Variants in GPLD1 observed in about 807,000 individuals in gnomAD.
GPLD1 encodes the protein glycosylphosphatidylinositol specific phospholipase D1, also known as phosphatidylinositol-glycan-specific phospholipase D.
GPLD1 carries 84 observed loss-of-function variants against 112.6 expected under a neutral mutation model. The ratio of observed to expected loss-of-function variants is 0.75; its 90% confidence interval spans 0.63 to 0.89. The LOEUF (loss-of-function observed/expected upper bound fraction) is 0.89. Among genes scored for constraint, GPLD1 ranks in the 40% least tolerant of loss-of-function variants. The pLI is 0.00. For missense variants in GPLD1, 1,044 were observed against 1,051.5 expected (o/e 0.99, Z 0.10); for synonymous variants, 386 against 403.8 (o/e 0.96, Z 0.53).
At chr6:24,480,496 GT>G (rs11287089) in intron 2 of GPLD1, among the ~76,000 whole-genome samples, 25,915 of 152,030 alleles carry the variant, frequency 0.17, 2,647 homozygotes, top group African/African-American at 0.28. Flanking sequence ...CCCACAGCTG[GT>G]TTTTTATAAA....
chr6:24,476,602 T>C (rs765771457), intron 3 of GPLD1, among the ~76,000 whole-genome samples: 2 of 152,188 alleles, frequency 1.3e-5, no homozygotes, highest in Non-Finnish European at 2.9e-5. Context: ...GCCCTAAAAC[T>C]AAGGAAACAA....
intron 18 of GPLD1, 23 bp from the exon 19 acceptor site, chr6:24,445,854 T>C (rs751246675): frequency 1.2e-5 from 19 of 1,526,718 alleles, no homozygotes; most frequent in South Asian, 8.9e-5. Flanking sequence ...ACACTGGGCT[T>C]AGCTGCCAGG....
intron 10 of GPLD1, among the ~76,000 whole-genome samples, chr6:24,464,959 G>A (rs564138208): frequency 6.3e-4 from 96 of 152,128 alleles, no homozygotes; most frequent in Non-Finnish European, 1.3e-3. Flanking sequence ...TTGGGAGACA[G>A]AGGTGGGTGG....
chr6:24,489,129 G>A (rs564038761), intron 1 of GPLD1, among the ~76,000 whole-genome samples: 3 of 152,070 alleles, frequency 2.0e-5, no homozygotes, highest in Non-Finnish European at 4.4e-5. Context: ...GCAACCTCTC[G>A]TTCACTGAGC....
rs928001709 is a variant in GPLD1 at position 24,428,295 on chromosome 6, A to C, written c.*737T>G. On this transcript the variant is annotated 3_prime_UTR_variant, in exon 25 of 25. Transcript: ENST00000230036. ...TGCGCAGGAAGTGCTGGTTTGTTAC[A>C]TACATAAAGGTGTGTCATGGGGGTT... is the stretch of plus-strand genomic sequence containing the variant. 6.6e-6 allele frequency: 1 copy of C among 151,938 alleles called. No individual in the cohort carries two copies. 9.4% of individuals were successfully genotyped at this position (151,938 alleles called of 1,614,324 possible).
At chr6:24,473,314 G>A (rs1763891092) in intron 6 of GPLD1, 1 of 212,036 alleles carries the variant, frequency 4.7e-6, no homozygotes, top group African/African-American at 2.3e-5. Flanking sequence ...AAAGTATTAG[G>A]AAAGTAGGAG....
rs2127342800 is a variant in GPLD1 at position 24,454,098 on chromosome 6, G to C, written c.1252C>G (p.Leu418Val). Residue 418 changes from leucine to valine, a missense_variant, in exon 14 of 25, where the codon CTC becomes GTC. Transcript: ENST00000230036. ...PGHIHIGRVY[L>V]IYGNDLGLPP... The stretch of plus-strand genomic sequence containing the variant: ...AGGCCCAGGTCATTGCCGTAGATGA[G>C]GTACACGCGCCCGATGTGGATGTGG... 1 of 1,613,968 alleles carries C rather than the reference G, an allele frequency of 6.2e-7. No individual in the cohort carries two copies. The highest frequency in any genetic ancestry group is 1.1e-5 in the South Asian group (1 of 91,076).
intron 11 of GPLD1, 142 bp from the exon 12 acceptor site, chr6:24,460,541 A>T (rs1763401642): frequency 1.3e-6 from 1 of 787,430 alleles, no homozygotes; most frequent in South Asian, 1.7e-5. Context: ...AGCAACACAG[A>T]AAGTTTTAGA....
At chr6:24,433,484 CTTTTTTTT>C (rs58008688) in intron 22 of GPLD1, 95 bp from the exon 23 acceptor site, 9,984 of 434,322 alleles carry the variant, frequency 0.023, 32 homozygotes, top group Non-Finnish European at 0.027. Flanking sequence ...CTCATTTCTA[CTTTTTTTT>C]TTTTTTTTTT....
At chr6:24,492,998 TAA>T (rs1332315206), upstream of GPLD1, among the ~76,000 whole-genome samples, 2 of 152,236 alleles carry the variant, frequency 1.3e-5, no homozygotes, top group African/African-American at 2.4e-5. Context: ...TGAGTGCTCC[TAA>T]AAGTTTTATG....
chr6:24,462,655 T>C, intron 11 of GPLD1, 75 bp downstream of exon 11: 1 of 907,546 alleles, frequency 1.1e-6, no homozygotes, highest in Non-Finnish European at 1.8e-6. Flanking sequence ...ACAGATCCCG[T>C]GTTCTCAACC....
upstream of GPLD1, among the ~76,000 whole-genome samples, chr6:24,490,273 G>A (rs114662211): frequency 0.019 from 2,883 of 152,230 alleles, 63 homozygotes; most frequent in African/African-American, 0.055. Context: ...TTAAGCTCAC[G>A]ATATATTATC....
intron 14 of GPLD1, among the ~76,000 whole-genome samples, chr6:24,452,255 C>T (rs1016313688): frequency 6.6e-6 from 1 of 152,156 alleles, no homozygotes; most frequent in African/African-American, 2.4e-5. Flanking sequence ...ACACTTTACA[C>T]AACAGTCTGT....
chr6:24,443,667 GTTTT>G (rs544691415), intron 20 of GPLD1, among the ~76,000 whole-genome samples: 20 of 151,200 alleles, frequency 1.3e-4, no homozygotes, highest in Non-Finnish European at 2.4e-4. Context: ...TAATCCACTT[GTTTT>G]TTTGTTTTTT....
At chr6:24,440,581 C>CAAAAAAAAA (rs58480061) in intron 20 of GPLD1, among the ~76,000 whole-genome samples, 1,379 of 118,328 alleles carry the variant, frequency 0.012, 38 homozygotes, top group Non-Finnish European at 0.019. Context: ...AAAAAATACT[C>CAAAAAAAAA]AAAAAAAAAA....
At chr6:24,495,237 C>A, upstream of GPLD1, 1 of 1,523,630 alleles carries the variant, frequency 6.6e-7, no homozygotes, top group Non-Finnish European at 8.8e-7. Flanking sequence ...CGTGCAAGAC[C>A]CGGCCAGCGG....
At chr6:24,485,090 G>A (rs1352409642) in intron 2 of GPLD1, among the ~76,000 whole-genome samples, 2 of 152,212 alleles carry the variant, frequency 1.3e-5, no homozygotes, top group Non-Finnish European at 2.9e-5. Flanking sequence ...ATGGAATATA[G>A]CAGGAGTTGG....
intron 14 of GPLD1, 92 bp downstream of exon 14, chr6:24,453,920 ATTC>A (rs1336812046): frequency 2.6e-6 from 2 of 781,872 alleles, no homozygotes; most frequent in African/African-American, 1.7e-5. Flanking sequence ...TACTGTAATT[ATTC>A]TTGTTATTAG....
chr6:24,436,488 A>C, intron 22 of GPLD1, 88 bp downstream of exon 22: 10 of 1,147,352 alleles, frequency 8.7e-6, no homozygotes, highest in Admixed American at 7.1e-5. Context: ...GAATTCAGGT[A>C]AGCACTTTAT....
Sources: allele counts gnomAD v4.1 joint callset (sites outside exome capture counted in the v4.1 genomes callset), GRCh38; gene constraint gnomAD v4.1.1; transcripts MANE v1.5; gene names NCBI Gene and HGNC (gene_info 2026-07-23, HGNC 2026-07-21).